FKBP2: variants seen among roughly 807,000 people sequenced by gnomAD.
FKBP2 encodes the protein peptidyl-prolyl cis-trans isomerase FKBP2.
FKBP2 carries 15 observed loss-of-function variants against 19.4 expected under a neutral mutation model. That is an observed-to-expected ratio of 0.77 (90% CI 0.52 to 1.19). The LOEUF (loss-of-function observed/expected upper bound fraction) is 1.19, where lower values mean the gene tolerates loss of function less well. FKBP2 is among the 50% of genes most tolerant of loss of function. The probability of loss-of-function intolerance (pLI) is 0.00; values close to 1 mark genes in which losing one functional copy is unlikely to be tolerated. For synonymous variants in FKBP2, 76 were observed against 74.8 expected, an observed-to-expected ratio of 1.02 and a Z score of -0.08; for missense variants, 170 against 179.0, an observed-to-expected ratio of 0.95 and a Z score of 0.29.
At chr11:64,243,915 G>A in intron 5 of FKBP2, 39 bp downstream of exon 5, 4 of 1,613,998 alleles carry the variant, frequency 2.5e-6, no homozygotes, top group Non-Finnish European at 3.4e-6. Flanking sequence ...CCTGCAGCCA[G>A]CCCACCTCCC....
chr11:64,241,373 G>C (rs555891153), intron 1 of FKBP2: 2 of 152,444 alleles, frequency 1.3e-5, no homozygotes, highest in African/African-American at 4.8e-5. Flanking sequence ...CTCCGAGCTG[G>C]TGCCAGTGGA....
chr11:64,242,191 C>G (rs1260920551), intron 1 of FKBP2, 193 bp from the exon 2 acceptor site: 1 of 513,330 alleles, frequency 1.9e-6, no homozygotes, highest in Admixed American at 4.2e-5. Context: ...GGTCCTCGGC[C>G]AAGCCCCCTT....
chr11:64,243,406 AGGGCCCT>A (rs2030679447), intron 3 of FKBP2, 38 bp from the exon 4 acceptor site: 1 of 1,612,392 alleles, frequency 6.2e-7, no homozygotes, highest in South Asian at 1.1e-5. Flanking sequence ...ATACAAGACA[AGGGCCCT>A]GGGTGCTGCC....
Position 64,244,108 on chromosome 11 carries a change from A to C in FKBP2, c.*79A>C. 8 of 1,488,238 alleles carry C rather than the reference A, an allele frequency of 5.4e-6. No homozygotes were observed. The highest frequency in any genetic ancestry group is 1.2e-5 in the South Asian group (1 of 85,716). The allele number at this position is 1,488,238 out of a possible 1,614,324, so 92.2% of individuals were successfully genotyped here. A position where few individuals can be genotyped will look rare whatever the true frequency, so the allele number is the denominator to read the frequency against. ...AAAAAAAAAACAAAAAACAAAAACA[A>C]ACAAAAAAACACTTAAAAGCCCAAG... On this transcript the variant is annotated 3_prime_UTR_variant, in exon 6 of 6. Transcript: ENST00000309366.
chr11:64,243,285 C>G lies in FKBP2; in HGVS notation c.258C>G (p.Ile86Met), dbSNP rs373717919. ...FVFSLGTGQV[I>M]KGWDQGLLGM... ...TCTCCCTTGGCACAGGCCAGGTCAT[C>G]AAGGGCTGGGACCAGGGGCTGCTGG... is the stretch of plus-strand genomic sequence containing the variant. Residue 86 changes from isoleucine (I) to methionine (M), a missense_variant, in exon 3 of 6, where the codon ATC becomes ATG. Coordinates refer to ENST00000309366, the MANE Select transcript of FKBP2 (RefSeq NM_004470.4). The G allele has an allele frequency of 1.9e-4, 301 of 1,608,946 alleles. No homozygotes were observed. Among genetic ancestry groups the G allele is most frequent in the Non-Finnish European group, 2.5e-4 (289 of 1,177,296 alleles).
chr11:64,243,714 C>G, intron 4 of FKBP2, 127 bp from the exon 5 acceptor site: 1 of 1,366,972 alleles, frequency 7.3e-7, no homozygotes. Context: ...TTTGGCACCC[C>G]CTTCCCATCT....
intron 1 of FKBP2, chr11:64,242,018 G>C (rs2030533980): frequency 1.1e-5 from 2 of 174,986 alleles, no homozygotes; most frequent in Non-Finnish European, 2.4e-5. Flanking sequence ...CCCAGTCGGG[G>C]CAACTGCAGT....
intron 2 of FKBP2, among the ~76,000 whole-genome samples, 198 bp from the exon 3 acceptor site, chr11:64,243,001 G>A (rs565592104): frequency 6.6e-6 from 1 of 152,332 alleles, no homozygotes; most frequent in East Asian, 1.9e-4. Context: ...GAACCCGGGA[G>A]GCAGAGGCTG....
intron 1 of FKBP2, chr11:64,241,731 G>T (rs1320868123): frequency 1.3e-5 from 2 of 152,422 alleles, no homozygotes; most frequent in African/African-American, 4.8e-5. Flanking sequence ...CGTAGGCCGA[G>T]AACTCCACCG....
chr11:64,242,455 CG>C lies in FKBP2; in HGVS notation c.73del (p.Ala25ProfsTer81). ...TGCCTGAGCGCCGTGGCCACGGCCA[CG>C]GGGGCCGAGGGCAAAAGGAAGCTGC... ...SICLSAVATATGAEGKRKLQI... is the reference protein window; with the variant it reads ...SICLSAVATAXGAEGKRKLQI... On this transcript the variant is annotated frameshift_variant, in exon 2 of 6. Coordinates refer to ENST00000309366, the MANE Select transcript of FKBP2 (RefSeq NM_004470.4). LOFTEE classifies it high-confidence loss of function. The C allele has an allele frequency of 6.5e-7, 1 of 1,547,612 alleles. No individual in the cohort carries two copies. The highest frequency in any genetic ancestry group is 8.7e-7 in the Non-Finnish European group (1 of 1,153,660).
At chr11:64,243,602 C>A in intron 4 of FKBP2, 105 bp downstream of exon 4, 3 of 1,406,580 alleles carry the variant, frequency 2.1e-6, no homozygotes, top group South Asian at 1.2e-5. Context: ...CCATTCATTA[C>A]AATACATGCC....
chr11:64,243,091 C>T lies in FKBP2; in HGVS notation c.172-108C>T. 3 of 965,234 alleles carry T rather than the reference C, an allele frequency of 3.1e-6. No individual in the cohort carries two copies. The South Asian group carries it at 4.0e-5, about 13-fold the overall frequency. 59.8% of individuals were successfully genotyped at this position (965,234 alleles called of 1,614,324 possible). A position where few individuals can be genotyped will look rare whatever the true frequency, so the allele number is the denominator to read the frequency against. ...TCAAAAAACAAAAAGGACTGACCAC[C>T]AGGGCTGTGGGTGGGCGTGGGGGGG... On this transcript the variant is annotated intron_variant, in intron 2 of 5. Coordinates refer to ENST00000309366, the MANE Select transcript of FKBP2 (RefSeq NM_004470.4).
In FKBP2 at chr11:64,243,203, A is replaced by C; in HGVS notation, c.176A>C (p.Lys59Thr). The C allele has an allele frequency of 6.2e-6, 10 of 1,613,622 alleles. No homozygotes were observed. The highest frequency in any genetic ancestry group is 8.5e-6 in the Non-Finnish European group (10 of 1,179,918). The change falls in exon 3 of 6, where the codon AAG becomes ACG. Residue 59 changes from lysine to threonine, a missense_variant. By Grantham distance (78) the Lys-to-Thr change is moderately conservative. Transcript: ENST00000309366. ...GDVLHMHYTGKLEDGTEFDSS... is the reference protein window; with the variant it reads ...GDVLHMHYTGTLEDGTEFDSS... ...GGCCTTCTCATGGTTCCACAGGGGA[A>C]GCTGGAAGATGGGACAGAGTTTGAC... is the stretch of plus-strand genomic sequence containing the variant.
chr11:64,243,454 G>A lies in FKBP2; in HGVS notation c.288G>A (p.Met96Ile). Residue 96 changes from methionine (M) to isoleucine (I), a missense_variant, in exon 4 of 6, where the codon ATG (methionine) becomes ATA (isoleucine). By Grantham distance (10) the Met-to-Ile change is conservative (BLOSUM62 1). Coordinates refer to ENST00000309366, the MANE Select transcript of FKBP2 (RefSeq NM_004470.4). Reference protein sequence around the residue: ...IKGWDQGLLGMCEGEKRKLVI... With the variant: ...IKGWDQGLLGICEGEKRKLVI... ...CTGAGCATGTGTCTTCCTGCAGGAT[G>A]TGTGAGGGGGAAAAGCGCAAGCTGG... The A allele has an allele frequency of 6.2e-7, 1 of 1,614,086 alleles. No homozygotes were observed. The highest frequency in any genetic ancestry group is 1.1e-5 in the South Asian group (1 of 91,076).
At chr11:64,242,258 A>C in intron 1 of FKBP2, 126 bp from the exon 2 acceptor site, 3 of 943,130 alleles carry the variant, frequency 3.2e-6, no homozygotes, top group Admixed American at 3.8e-5. Flanking sequence ...GTGACCCGGG[A>C]CAAAGGGGAT....
chr11:64,243,952 C>G lies in FKBP2; in HGVS notation c.368-16C>G, dbSNP rs2030734105. ...GTGGCCCTGGTTGGCATTTTGACTCCCCTTCTCCCCTACAGGTGGTGCAAC... is the reference window on the plus strand; with the variant it reads ...GTGGCCCTGGTTGGCATTTTGACTCGCCTTCTCCCCTACAGGTGGTGCAAC... On this transcript the variant is annotated splice_polypyrimidine_tract_variant and intron_variant, in intron 5 of 5. Coordinates refer to ENST00000309366, the MANE Select transcript of FKBP2 (RefSeq NM_004470.4). 1 of 1,613,992 alleles carries G rather than the reference C, an allele frequency of 6.2e-7. No individual in the cohort carries two copies. Among genetic ancestry groups the G allele is most frequent in the Non-Finnish European group, 8.5e-7 (1 of 1,180,022 alleles).
At chr11:64,243,099 T>C in intron 2 of FKBP2, 100 bp from the exon 3 acceptor site, 1 of 983,676 alleles carries the variant, frequency 1.0e-6, no homozygotes, top group Non-Finnish European at 1.6e-6. Context: ...ACCAGGGCTG[T>C]GGGTGGGCGT....
intron 5 of FKBP2, 43 bp from the exon 6 acceptor site, chr11:64,243,925 C>G (rs764693999): frequency 5.0e-6 from 8 of 1,614,048 alleles, no homozygotes; most frequent in Non-Finnish European, 5.1e-6. Flanking sequence ...GCCCACCTCC[C>G]TGTGGCCCTG....
chr11:64,243,805 G>A (rs2030718538), intron 4 of FKBP2, 36 bp from the exon 5 acceptor site: 1 of 1,613,332 alleles, frequency 6.2e-7, no homozygotes, highest in African/African-American at 1.3e-5. Flanking sequence ...AGGGAGCTTG[G>A]CCATCACTGA....
Sources: gnomAD v4.1 joint callset for allele counts (sites outside exome capture counted in the v4.1 genomes callset) on GRCh38, gnomAD v4.1.1 for gene constraint, MANE v1.5 for transcripts, NCBI Gene and HGNC (gene_info 2026-07-23, HGNC 2026-07-21) for gene names.